The following BLTP1 variants were observed in gnomAD, a reference collection of about 807,000 sequenced individuals.
BLTP1 encodes the protein fragile site-associated protein.
chr4:122,314,083 TG>T, the BLTP1 span: 1 of 978,810 alleles, frequency 1.0e-6, no homozygotes, highest in Non-Finnish European at 1.2e-6. Flanking sequence ...TTTTCAAATA[TG>T]GGAGAATACT....
At chr4:122,234,956 T>G in the BLTP1 span, 2 of 1,613,856 alleles carry the variant, frequency 1.2e-6, no homozygotes, top group Non-Finnish European at 1.7e-6. Flanking sequence ...CTGATATGTA[T>G]TATGGACAGT....
At chr4:122,200,102 C>T in the BLTP1 span, 1 of 914,842 alleles carries the variant, frequency 1.1e-6, no homozygotes, top group Non-Finnish European at 1.3e-6. Context: ...TTGTCTTAAA[C>T]ATTTTACATA....
chr4:122,238,271 A>T, the BLTP1 span: 8 of 1,614,028 alleles, frequency 5.0e-6, no homozygotes, highest in Non-Finnish European at 6.8e-6. Context: ...TGAAAAGGAA[A>T]GTCCTTCATC....
the BLTP1 span, chr4:122,274,469 A>G: frequency 1.3e-6 from 2 of 1,574,904 alleles, no homozygotes; most frequent in Non-Finnish European, 8.6e-7. Context: ...TCTTACACTT[A>G]TAGTTTTAGA....
chr4:122,200,897 A>T, the BLTP1 span: 1 of 1,439,650 alleles, frequency 6.9e-7, no homozygotes, highest in South Asian at 1.5e-5. Flanking sequence ...TGTTCAGCTC[A>T]GTAGGAAAAT....
At chr4:122,244,168 GAT>G in the BLTP1 span, 6 of 899,588 alleles carry the variant, frequency 6.7e-6, no homozygotes, top group Non-Finnish European at 9.2e-6. Context: ...GAAGATTATT[GAT>G]AGCTATTTTG....
the BLTP1 span, among the ~76,000 whole-genome samples, chr4:122,161,616 G>C: frequency 4.0e-5 from 6 of 151,686 alleles, no homozygotes; most frequent in Admixed American, 1.3e-4. Context: ...TTTTTTTGTA[G>C]AGACGGCGTT....
the BLTP1 span, chr4:122,271,856 C>A: frequency 1.4e-6 from 1 of 722,894 alleles, no homozygotes; most frequent in Non-Finnish European, 2.2e-6. Flanking sequence ...TGTCTATCAC[C>A]AGGGAAATAA....
chr4:122,217,718 T>C, the BLTP1 span, among the ~76,000 whole-genome samples: 1 of 152,166 alleles, frequency 6.6e-6, no homozygotes, highest in East Asian at 1.9e-4. Flanking sequence ...TTCGGGTGAT[T>C]ACTGTCTTCA....
the BLTP1 span, chr4:122,352,884 G>GT: frequency 2.5e-6 from 4 of 1,612,474 alleles, no homozygotes; most frequent in South Asian, 2.2e-5. Flanking sequence ...CAGGATATGT[G>GT]TTTTTTGGTT....
At chr4:122,295,048 A>T in the BLTP1 span, among the ~76,000 whole-genome samples, 2 of 152,218 alleles carry the variant, frequency 1.3e-5, no homozygotes, top group African/African-American at 4.8e-5. Context: ...GAAATAAGAC[A>T]GGCAGAAAAG....
the BLTP1 span, among the ~76,000 whole-genome samples, chr4:122,338,871 A>T: frequency 6.6e-6 from 1 of 152,174 alleles, no homozygotes; most frequent in African/African-American, 2.4e-5. Context: ...GTTTTTAAAA[A>T]TGATAGCATT....
chr4:122,219,013 A>G, the BLTP1 span: 1 of 266,358 alleles, frequency 3.8e-6, no homozygotes, highest in South Asian at 1.4e-4. Flanking sequence ...AGGAGCAGTG[A>G]TTGAAAACTG....
the BLTP1 span, among the ~76,000 whole-genome samples, chr4:122,278,497 GC>G: frequency 6.6e-6 from 1 of 152,186 alleles, no homozygotes; most frequent in African/African-American, 2.4e-5. Context: ...GACTGGTAAA[GC>G]TTTCCCGAGC....
At chr4:122,261,528 C>G in the BLTP1 span, 1 of 982,808 alleles carries the variant, frequency 1.0e-6, no homozygotes, top group Non-Finnish European at 1.2e-6. Flanking sequence ...TCGAAAAATT[C>G]TGTAATTTTT....
chr4:122,240,237 C>T, the BLTP1 span: 2 of 1,613,970 alleles, frequency 1.2e-6, no homozygotes, highest in African/African-American at 1.3e-5. Flanking sequence ...GTCAGTTAAG[C>T]ACCCAACCAA....
chr4:122,292,325 AT>A, the BLTP1 span: 106 of 917,296 alleles, frequency 1.2e-4, no homozygotes, highest in South Asian at 2.1e-4. Flanking sequence ...CAAAGCCATT[AT>A]TTTTTTTGTA....
the BLTP1 span, chr4:122,272,205 A>G: frequency 1.9e-5 from 31 of 1,613,146 alleles, no homozygotes; most frequent in South Asian, 1.1e-4. Context: ...GTGTTTGAGA[A>G]TGAACAAGAC....
At chr4:122,206,270 T>C in the BLTP1 span, 1 of 170,606 alleles carries the variant, frequency 5.9e-6, no homozygotes, top group African/African-American at 2.4e-5. Context: ...TGTTCAGCCA[T>C]GCTTGTAGTT....
Sources: gnomAD v4.1 joint callset for allele counts (sites outside exome capture counted in the v4.1 genomes callset) on GRCh38, gnomAD v4.1.1 for gene constraint, MANE v1.5 for transcripts, NCBI Gene and HGNC (gene_info 2026-07-23, HGNC 2026-07-21) for gene names.